Variants in NRXN3 observed in about 807,000 individuals in gnomAD.
NRXN3 encodes neurexin 3.
In NRXN3, 32 loss-of-function variants were observed where a neutral mutation model predicts 137.6. The ratio of observed to expected loss-of-function variants is 0.23; its 90% confidence interval spans 0.18 to 0.31. The LOEUF (loss-of-function observed/expected upper bound fraction) is 0.31, where lower values mean the gene tolerates loss of function less well. Among genes scored for constraint, NRXN3 ranks in the 10% least tolerant of loss-of-function variants. The pLI, the probability that NRXN3 is intolerant of heterozygous loss-of-function variation, is 1.00. For synonymous variants in NRXN3, 798 were observed against 784.5 expected (o/e 1.02, Z -0.29); for missense variants, 1,574 against 2,062.5 (o/e 0.76, Z 4.59).
At chr14:78,963,718 G>A (rs1297846048) in intron 11 of NRXN3, among the ~76,000 whole-genome samples, 1 of 152,142 alleles carries the variant, frequency 6.6e-6, no homozygotes, top group African/African-American at 2.4e-5. Flanking sequence ...TTTGTCACTA[G>A]TTGTCAAAAC....
intron 16 of NRXN3, among the ~76,000 whole-genome samples, chr14:79,541,621 G>A (rs1185440572): frequency 6.6e-6 from 1 of 152,164 alleles, no homozygotes; most frequent in Non-Finnish European, 1.5e-5. Flanking sequence ...GCAGGGCAAG[G>A]TCTCCCAGAC....
intron 15 of NRXN3, among the ~76,000 whole-genome samples, chr14:79,410,157 T>G (rs1161638494): frequency 6.6e-6 from 1 of 151,820 alleles, no homozygotes; most frequent in African/African-American, 2.4e-5. Flanking sequence ...TTTCATGTCT[T>G]CCTCATTACC....
intron 16 of NRXN3, among the ~76,000 whole-genome samples, chr14:79,652,551 T>A (rs531499190): frequency 6.6e-6 from 1 of 152,298 alleles, no homozygotes; most frequent in African/African-American, 2.4e-5. Context: ...GTAGGGATAC[T>A]GAATTCAAGT....
At chr14:78,859,260 A>C (rs989664429) in intron 10 of NRXN3, among the ~76,000 whole-genome samples, 1 of 152,178 alleles carries the variant, frequency 6.6e-6, no homozygotes, top group Non-Finnish European at 1.5e-5. Context: ...TGAGTCAATT[A>C]AACCTCTCTC....
intron 4 of NRXN3, among the ~76,000 whole-genome samples, chr14:78,624,797 C>A (rs750513939): frequency 1.3e-5 from 2 of 149,144 alleles, no homozygotes; most frequent in African/African-American, 5.0e-5. Context: ...GACCCCTTGA[C>A]TTCCTGTTCC....
intron 10 of NRXN3, among the ~76,000 whole-genome samples, chr14:78,945,418 T>G (rs1178678415): frequency 6.6e-6 from 1 of 152,198 alleles, no homozygotes; most frequent in African/African-American, 2.4e-5. Flanking sequence ...TATGTTTTTA[T>G]TTAATAGTTT....
In NRXN3 at chr14:79,712,105, CA is replaced by C. The variant is rs1210247693; in HGVS notation, c.4014+14170del. ...CATCGTGAGACTTAAAATAAGAAAACAACAATAACAAAAGAAAAACAGTAGT... is the reference window on the plus strand; with the variant it reads ...CATCGTGAGACTTAAAATAAGAAAACACAATAACAAAAGAAAAACAGTAGT... On this transcript the variant is annotated intron_variant, in intron 19 of 20. Transcript: ENST00000335750. Among the ~76,000 whole-genome samples, 3 of 152,258 alleles carry C rather than the reference CA, an allele frequency of 2.0e-5. No homozygotes were observed. The East Asian group carries it at 5.8e-4, about 29-fold the overall frequency.
intron 15 of NRXN3, among the ~76,000 whole-genome samples, chr14:79,140,604 TGTG>T: frequency 6.6e-6 from 1 of 151,806 alleles, no homozygotes; most frequent in Non-Finnish European, 1.5e-5. Flanking sequence ...TGTGTGTGTG[TGTG>T]TGTGAAGTTA....
At chr14:79,101,320 A>G (rs900920739) in intron 15 of NRXN3, among the ~76,000 whole-genome samples, 27 of 152,236 alleles carry the variant, frequency 1.8e-4, no homozygotes, top group Middle Eastern at 3.4e-3. Context: ...ACTTCTCTTT[A>G]TTTCTCCAAT....
intron 4 of NRXN3, among the ~76,000 whole-genome samples, chr14:78,394,358 GA>G (rs982616563): frequency 3.0e-4 from 45 of 152,038 alleles, no homozygotes; most frequent in African/African-American, 9.9e-4. Flanking sequence ...TTTAGCTGAA[GA>G]ATGTGCTAGA....
At chr14:79,702,148 C>A (rs574882840) in intron 19 of NRXN3, among the ~76,000 whole-genome samples, 1 of 152,108 alleles carries the variant, frequency 6.6e-6, no homozygotes, top group African/African-American at 2.4e-5. Flanking sequence ...ATCAAAATTT[C>A]TATGATCTCA....
intron 15 of NRXN3, among the ~76,000 whole-genome samples, chr14:79,164,321 C>G (rs2061086749): frequency 6.6e-6 from 1 of 151,996 alleles, no homozygotes; most frequent in Non-Finnish European, 1.5e-5. Context: ...TCTGAGCTCT[C>G]AAGCAAAACA....
intron 15 of NRXN3, among the ~76,000 whole-genome samples, chr14:79,154,206 C>T (rs186647397): frequency 1.3e-5 from 2 of 152,094 alleles, no homozygotes; most frequent in Non-Finnish European, 2.9e-5. Flanking sequence ...TGGCTTCTCT[C>T]TTCTAGAGGT....
chr14:79,861,089 C>T lies in NRXN3; in HGVS notation c.4094-253C>T. ...TGTAGAAGACCCTTTAGCTACCCCTCCTATTGCTACTCGTGCACCTTCCAT... is the reference window on the plus strand; with the variant it reads ...TGTAGAAGACCCTTTAGCTACCCCTTCTATTGCTACTCGTGCACCTTCCAT... On this transcript the variant is annotated intron_variant, in intron 20 of 20. Coordinates refer to ENST00000335750, the MANE Select transcript of NRXN3 (RefSeq NM_001330195.2). The surrounding 1 kb of genome is among the most constrained non-coding windows in gnomAD (Gnocchi z 5.4). The T allele has an allele frequency of 1.4e-6, 2 of 1,439,358 alleles. No individual in the cohort carries two copies. The highest frequency in any genetic ancestry group is 2.5e-5 in the East Asian group (1 of 39,928). 89.2% of individuals were successfully genotyped at this position (1,439,358 alleles called of 1,614,324 possible).
intron 15 of NRXN3, among the ~76,000 whole-genome samples, chr14:79,098,199 C>T (rs549495455): frequency 2.0e-5 from 3 of 152,096 alleles, no homozygotes; most frequent in East Asian, 1.9e-4. Context: ...GGATATACCC[C>T]GTCTTAGCCA....
intron 1 of NRXN3, among the ~76,000 whole-genome samples, chr14:78,219,493 G>A (rs2063616540): frequency 6.6e-6 from 1 of 152,194 alleles, no homozygotes; most frequent in Non-Finnish European, 1.5e-5. Flanking sequence ...AAAGCACCCT[G>A]ATCCAAGTTA....
At chr14:79,544,441 A>C (rs2097300798) in intron 16 of NRXN3, among the ~76,000 whole-genome samples, 2 of 152,196 alleles carry the variant, frequency 1.3e-5, no homozygotes. Flanking sequence ...ATCTCTTCTT[A>C]ATAATGTGCA....
chr14:78,845,176 T>G (rs975674187), intron 10 of NRXN3, among the ~76,000 whole-genome samples: 8 of 152,090 alleles, frequency 5.3e-5, no homozygotes, highest in Non-Finnish European at 1.2e-4. Flanking sequence ...GGGTTTCTAT[T>G]CCAGTCTCTT....
At chr14:79,229,796 G>A (rs1296082103) in intron 15 of NRXN3, among the ~76,000 whole-genome samples, 1 of 152,038 alleles carries the variant, frequency 6.6e-6, no homozygotes, top group Non-Finnish European at 1.5e-5. Flanking sequence ...CCAGCAACAA[G>A]CCTGTGCTGT....
Sources: gnomAD v4.1 joint callset for allele counts (sites outside exome capture counted in the v4.1 genomes callset) on GRCh38, gnomAD v4.1.1 for gene constraint, Gnocchi (gnomAD v3.1) non-coding constraint, MANE v1.5 for transcripts, NCBI Gene and HGNC (gene_info 2026-07-23, HGNC 2026-07-21) for gene names.